TAF1: variants seen among roughly 807,000 people sequenced by gnomAD.
TAF1 encodes transcription initiation factor TFIID subunit 1.
Under a neutral mutation model 138.5 loss-of-function variants are expected in TAF1, and 2 were observed. The observed-to-expected ratio is 0.01, with a 90% CI of 0.01 to 0.05. The LOEUF is 0.05. Among genes scored for constraint, TAF1 ranks in the 10% least tolerant of loss-of-function variants. The pLI, the probability that TAF1 is intolerant of heterozygous loss-of-function variation, is 1.00. For missense variants in TAF1, 709 were observed against 1,478.0 expected (o/e 0.48, Z 8.53); for synonymous variants, 437 against 503.2 (o/e 0.87, Z 1.76).
At chrX:71,441,047 C>T (rs1437013543) in intron 32 of TAF1, among the ~76,000 whole-genome samples, 5 of 109,682 alleles carry the variant, frequency 4.6e-5, no homozygotes, top group African/African-American at 1.3e-4. Flanking sequence ...ATTACAGGCA[C>T]GCAACATCAT....
At chrX:71,416,648 C>G (rs1191977782) in intron 28 of TAF1, 4 of 315,035 alleles carry the variant, frequency 1.3e-5, no homozygotes, top group African/African-American at 2.7e-5. Context: ...CACACAAGGT[C>G]GATAGAAAAG....
At chrX:71,386,716 C>T (rs754758368) in intron 14 of TAF1, among the ~76,000 whole-genome samples, 7 of 112,905 alleles carry the variant, frequency 6.2e-5, no homozygotes, top group African/African-American at 1.3e-4. Context: ...CTACCTGCCT[C>T]GGCTTCCCAA....
At chrX:71,422,539 T>C (rs1327333148) in intron 29 of TAF1, among the ~76,000 whole-genome samples, 1 of 104,338 alleles carries the variant, frequency 9.6e-6, no homozygotes, top group Non-Finnish European at 2.0e-5. Context: ...TTGGCCAGGC[T>C]GGTCTCGAGT....
chrX:71,451,622 G>A (rs2037969612), intron 32 of TAF1, among the ~76,000 whole-genome samples: 5 of 109,907 alleles, frequency 4.5e-5, no homozygotes, highest in Middle Eastern at 4.7e-3. Flanking sequence ...AGGACCCTGC[G>A]GCCTTCCGCA....
chrX:71,383,954 C>G lies in TAF1; in HGVS notation c.1948-8C>G. On this transcript the variant is annotated splice_polypyrimidine_tract_variant and splice_region_variant and intron_variant, in intron 12 of 37. Transcript: ENST00000423759. The stretch of plus-strand genomic sequence containing the variant: ...GGAGCTAGATGGTATTTTCTTTGTT[C>G]TGGACAGATGAGAGAACAAGAGAGG... 8.3e-7 allele frequency: 1 copy of G among 1,208,192 alleles called. No individual in the cohort carries two copies. The highest frequency in any genetic ancestry group is 3.0e-5 in the East Asian group (1 of 33,774).
chrX:71,440,586 C>T (rs56059695), intron 32 of TAF1, among the ~76,000 whole-genome samples: 146 of 108,194 alleles, frequency 1.3e-3, no homozygotes, highest in African/African-American at 4.8e-3. Context: ...CACACATGAA[C>T]GTGAAAACCC....
chrX:71,389,224 G>A (rs1047407368), intron 17 of TAF1, among the ~76,000 whole-genome samples: 10 of 111,667 alleles, frequency 9.0e-5, no homozygotes, highest in African/African-American at 3.3e-4. Context: ...GATGATGATG[G>A]TGCTGAATGT....
At chrX:71,524,027 T>A (rs1473401241) in intron 13 of TAF1, among the ~76,000 whole-genome samples, 1 of 103,516 alleles carries the variant, frequency 9.7e-6, no homozygotes, top group Non-Finnish European at 2.0e-5. Flanking sequence ...TTCTTTTTTT[T>A]TTTTTTTTTT....
At chrX:71,421,407 G>A (rs1383940296) in intron 29 of TAF1, 31 bp downstream of exon 29, 3 of 715,927 alleles carry the variant, frequency 4.2e-6, no homozygotes, top group Non-Finnish European at 6.4e-6. Context: ...GAAAGGCAGT[G>A]GAATTTGAAG....
rs1405028488 is a variant in TAF1 at position 71,450,049 on chromosome X, G to A, written c.4754-4121G>A. On this transcript the variant is annotated intron_variant, in intron 32 of 37. Transcript: ENST00000423759. ...AGCCTCCCAAAGTGCTGGGATTACA[G>A]GCGTGAGCCACCACACCCGGCTCTA... is the stretch of plus-strand genomic sequence containing the variant. Among the ~76,000 whole-genome samples, 7 of 112,320 alleles carry A rather than the reference G, an allele frequency of 6.2e-5. No individual in the cohort carries two copies. The East Asian group carries it at 1.9e-3, about 31-fold the overall frequency.
chrX:71,495,211 T>C lies in TAF1; in HGVS notation c.1367-33331T>C, dbSNP rs772390320. Reference sequence around the variant, plus strand: ...TTGTAGTGTCCTCTTTAGTGAACTCTTTAGGCCAAAGGGCCAGCAGGTTGG... The same window carrying C: ...TTGTAGTGTCCTCTTTAGTGAACTCCTTAGGCCAAAGGGCCAGCAGGTTGG... On this transcript the variant is annotated intron_variant and NMD_transcript_variant, in intron 13 of 14. Coordinates refer to the TAF1 transcript ENST00000373775. 3.6e-5 allele frequency among the ~76,000 whole-genome samples: 4 copies of C among 111,904 alleles called. No individual in the cohort carries two copies. The Admixed American group carries it at 3.8e-4, about 11-fold the overall frequency.
intron 24 of TAF1, among the ~76,000 whole-genome samples, chrX:71,399,381 C>T (rs376269564): frequency 2.0e-5 from 2 of 102,554 alleles, no homozygotes; most frequent in Non-Finnish European, 3.9e-5. Context: ...CAGAGCCTCT[C>T]GAATAGCTGG....
chrX:71,493,126 C>G (rs1168577318), intron 13 of TAF1: 1 of 111,142 alleles, frequency 9.0e-6, no homozygotes, highest in African/African-American at 3.3e-5. Context: ...TCAAGCGATT[C>G]TCCTGCCTCA....
intron 13 of TAF1, among the ~76,000 whole-genome samples, chrX:71,481,578 GAC>G (rs1388971514): frequency 1.8e-5 from 2 of 111,208 alleles, no homozygotes; most frequent in African/African-American, 6.5e-5. Flanking sequence ...TGTTTTTTGA[GAC>G]AGAGTCTCGC....
At chrX:71,480,520 C>A (rs1470111804) in intron 13 of TAF1, among the ~76,000 whole-genome samples, 3 of 112,006 alleles carry the variant, frequency 2.7e-5, no homozygotes, top group Admixed American at 9.5e-5. Flanking sequence ...TGTAGTTACC[C>A]ATTCTTCTAA....
chrX:71,485,519 C>T (rs1034212309), intron 13 of TAF1, among the ~76,000 whole-genome samples: 5 of 111,739 alleles, frequency 4.5e-5, no homozygotes, highest in Admixed American at 9.6e-5. Flanking sequence ...CACGTGCAGG[C>T]GTATGTTTTA....
chrX:71,388,561 T>G (rs1402094453), intron 16 of TAF1, 177 bp from the exon 17 acceptor site: 23 of 901,428 alleles, frequency 2.6e-5, no homozygotes, highest in Middle Eastern at 6.3e-4. Context: ...TTAATGTGAT[T>G]GTTGGATATC....
intron 22 of TAF1, 110 bp downstream of exon 22, chrX:71,394,355 T>C: frequency 6.3e-6 from 6 of 958,034 alleles, no homozygotes; most frequent in Admixed American, 7.3e-5. Context: ...ATGTAAGGGA[T>C]GCATGTAGAA....
At chrX:71,405,041 C>A (rs1426270459) in intron 25 of TAF1, among the ~76,000 whole-genome samples, 5 of 104,636 alleles carry the variant, frequency 4.8e-5, no homozygotes, top group Non-Finnish European at 9.8e-5. Flanking sequence ...ACTGCAACCT[C>A]CGCCTCCCAG....
Sources: gnomAD v4.1 joint callset for allele counts (sites outside exome capture counted in the v4.1 genomes callset) on GRCh38, gnomAD v4.1.1 for gene constraint, MANE v1.5 for transcripts, NCBI Gene and HGNC (gene_info 2026-07-23, HGNC 2026-07-21) for gene names.